Variants in CPNE4 observed in about 807,000 individuals in gnomAD.
CPNE4 encodes copine 4, also known as copine-4.
A neutral mutation model predicts 67.9 loss-of-function variants in CPNE4; 25 were observed. That is an observed-to-expected ratio of 0.37 (90% confidence interval 0.27 to 0.51). The LOEUF (loss-of-function observed/expected upper bound fraction) is 0.51. Among genes scored for constraint, CPNE4 ranks in the 20% least tolerant of loss-of-function variants. CPNE4 has a pLI of 0.93. For synonymous variants in CPNE4, 242 were observed against 244.9 expected (o/e 0.99, Z 0.11); for missense variants, 464 against 690.8 (o/e 0.67, Z 3.68).
chr3:131,576,055 A>T (rs539870831), intron 9 of CPNE4, among the ~76,000 whole-genome samples: 1 of 152,304 alleles, frequency 6.6e-6, no homozygotes, highest in Admixed American at 6.5e-5. Flanking sequence ...AAACACATAC[A>T]GTACTTACAG....
intron 14 of CPNE4, among the ~76,000 whole-genome samples, chr3:131,548,158 G>A (rs1460580009): frequency 6.6e-6 from 1 of 151,970 alleles, no homozygotes; most frequent in Non-Finnish European, 1.5e-5. Context: ...AATGAAAACA[G>A]GAACACTGTA....
chr3:131,682,462 TCTC>T (rs1261903706), intron 6 of CPNE4, among the ~76,000 whole-genome samples: 3 of 152,218 alleles, frequency 2.0e-5, no homozygotes, highest in Middle Eastern at 3.4e-3. Context: ...TGGAAACCCT[TCTC>T]CTCTTCCTTT....
intron 1 of CPNE4, among the ~76,000 whole-genome samples, chr3:132,029,169 G>C (rs1047539974): frequency 2.6e-5 from 4 of 152,018 alleles, no homozygotes; most frequent in Admixed American, 1.3e-4. Flanking sequence ...TCTGATAACA[G>C]GCCCAAGTGT....
In CPNE4 at chr3:131,902,101, C is replaced by T. The variant is rs1219133130; in HGVS notation, c.180+3163G>A. Among the ~76,000 whole-genome samples the T allele has an allele frequency of 4.6e-5, 7 of 151,792 alleles. No homozygotes were observed. The East Asian group carries it at 1.2e-3, about 25-fold the overall frequency. ...TTATTATTATTATTATTATTATATC[C>T]TTACTGTATATTGTTAAGAGAGCAA... On this transcript the variant is annotated intron_variant, in intron 2 of 15. Coordinates refer to ENST00000429747, the MANE Select transcript of CPNE4 (RefSeq NM_130808.3).
chr3:131,566,198 G>T (rs1411124797), intron 10 of CPNE4, among the ~76,000 whole-genome samples: 1 of 151,856 alleles, frequency 6.6e-6, no homozygotes, highest in Admixed American at 6.6e-5. Flanking sequence ...AGGGAGACTT[G>T]CTAGGAGGCA....
At chr3:131,871,422 G>A (rs1225685281) in intron 2 of CPNE4, among the ~76,000 whole-genome samples, 4 of 152,070 alleles carry the variant, frequency 2.6e-5, no homozygotes, top group African/African-American at 7.2e-5. Flanking sequence ...TTTCAGCACC[G>A]AGAATGCTCT....
chr3:131,601,317 G>A (rs1479015105), intron 7 of CPNE4, among the ~76,000 whole-genome samples: 1 of 152,056 alleles, frequency 6.6e-6, no homozygotes, highest in Non-Finnish European at 1.5e-5. Context: ...CAATAGACTA[G>A]GAATTGAGCT....
At chr3:132,001,966 ATT>A (rs1443303476) in intron 1 of CPNE4, among the ~76,000 whole-genome samples, 1 of 151,904 alleles carries the variant, frequency 6.6e-6, no homozygotes, top group Non-Finnish European at 1.5e-5. Flanking sequence ...TTTTTTTCCT[ATT>A]TATGATCCTT....
chr3:131,612,709 C>T (rs1252504811), intron 7 of CPNE4, among the ~76,000 whole-genome samples: 3 of 152,186 alleles, frequency 2.0e-5, no homozygotes, highest in African/African-American at 7.2e-5. Context: ...ATAATTTCCT[C>T]ACTGAGCTGA....
chr3:131,746,675 A>T (rs190941595), intron 2 of CPNE4, among the ~76,000 whole-genome samples: 1 of 152,200 alleles, frequency 6.6e-6, no homozygotes, highest in East Asian at 1.9e-4. Flanking sequence ...TCATCTGTTG[A>T]TGGACATTTA....
At chr3:132,036,647 T>C (rs1366470534), upstream of CPNE4, among the ~76,000 whole-genome samples, 1 of 152,222 alleles carries the variant, frequency 6.6e-6, no homozygotes, top group Non-Finnish European at 1.5e-5. Flanking sequence ...GAAAAGTCAT[T>C]GTGCATTTCC....
chr3:131,811,522 G>A (rs974618721), intron 2 of CPNE4, among the ~76,000 whole-genome samples: 2 of 151,990 alleles, frequency 1.3e-5, no homozygotes, highest in Non-Finnish European at 2.9e-5. Flanking sequence ...CACCTAGTAC[G>A]AACTGAAGCC....
chr3:131,866,578 A>C (rs141536127), intron 2 of CPNE4, among the ~76,000 whole-genome samples: 72 of 152,366 alleles, frequency 4.7e-4, no homozygotes, highest in Admixed American at 1.4e-3. Flanking sequence ...AGGGAGGCTG[A>C]AAACTGTAAT....
chr3:131,581,666 C>T lies in CPNE4; in HGVS notation c.781-1G>A. ...TGGGATTGATGCACTCCCACTGCAC[C>T]TGAAAGAAGGGTCATAGCATGAGAA... On this transcript the variant is annotated splice_acceptor_variant, in intron 8 of 15. Coordinates refer to ENST00000429747, the MANE Select transcript of CPNE4 (RefSeq NM_130808.3). LOFTEE classifies it high-confidence loss of function. 6.2e-7 allele frequency: 1 copy of T among 1,606,126 alleles called. No homozygotes were observed. Among genetic ancestry groups the T allele is most frequent in the Non-Finnish European group, 8.5e-7 (1 of 1,172,736 alleles).
chr3:131,752,067 C>G (rs555374028), intron 2 of CPNE4, among the ~76,000 whole-genome samples: 1 of 152,222 alleles, frequency 6.6e-6, no homozygotes, highest in Non-Finnish European at 1.5e-5. Context: ...GGGAAGGATG[C>G]CTTGTTACTA....
intron 2 of CPNE4, among the ~76,000 whole-genome samples, chr3:131,732,712 C>T (rs1304754922): frequency 6.6e-6 from 1 of 152,162 alleles, no homozygotes; most frequent in Non-Finnish European, 1.5e-5. Context: ...TTGAAGCGGT[C>T]CCTTCATGAA....
chr3:131,704,384 T>A (rs1218332089), intron 3 of CPNE4, among the ~76,000 whole-genome samples: 2 of 152,226 alleles, frequency 1.3e-5, no homozygotes, highest in Admixed American at 1.3e-4. Flanking sequence ...CATAAATATC[T>A]CGGCTCTTTT....
At chr3:132,023,084 A>G (rs530075727) in intron 1 of CPNE4, among the ~76,000 whole-genome samples, 39 of 152,376 alleles carry the variant, frequency 2.6e-4, no homozygotes, top group African/African-American at 8.7e-4. Context: ...AAATATCTAT[A>G]GAACATCTCA....
At chr3:131,742,090 G>A (rs2082371760) in intron 2 of CPNE4, among the ~76,000 whole-genome samples, 1 of 152,124 alleles carries the variant, frequency 6.6e-6, no homozygotes, top group African/African-American at 2.4e-5. Flanking sequence ...GCTACAAAGT[G>A]CCCAGATATT....
Sources: allele counts gnomAD v4.1 joint callset (sites outside exome capture counted in the v4.1 genomes callset), GRCh38; gene constraint gnomAD v4.1.1; transcripts MANE v1.5; gene names NCBI Gene and HGNC (gene_info 2026-07-23, HGNC 2026-07-21).